The following SCRN1 variants were observed in gnomAD, a reference collection of about 807,000 sequenced individuals.
SCRN1 encodes the protein secernin-1.
In SCRN1, 19 loss-of-function variants were observed where a neutral mutation model predicts 43.3. That is an observed-to-expected ratio of 0.44 (90% CI 0.31 to 0.64). The LOEUF is 0.64. Among genes scored for constraint, SCRN1 ranks in the 30% least tolerant of loss-of-function variants. SCRN1 has a pLI of 0.09. For synonymous variants in SCRN1, 183 were observed against 188.9 expected (o/e 0.97, Z 0.26); for missense variants, 447 against 524.1 (o/e 0.85, Z 1.44).
chr7:29,926,327 G>T, intron 7 of SCRN1, 125 bp downstream of exon 7: 3 of 1,012,498 alleles, frequency 3.0e-6, no homozygotes, highest in Non-Finnish European at 4.2e-6. Context: ...GTCTCTGGGA[G>T]AAGCCCGGTC....
At chr7:29,935,293 C>T (rs1308522472) in intron 6 of SCRN1, among the ~76,000 whole-genome samples, 1 of 152,222 alleles carries the variant, frequency 6.6e-6, no homozygotes, top group Non-Finnish European at 1.5e-5. Flanking sequence ...AGGTGCTTCA[C>T]TTTTCCCCTG....
intron 1 of SCRN1, among the ~76,000 whole-genome samples, chr7:29,978,864 G>A (rs923243169): frequency 8.5e-5 from 13 of 152,152 alleles, no homozygotes; most frequent in Non-Finnish European, 1.8e-4. Context: ...TGAGAAATAT[G>A]AATTAAAGCA....
intron 2 of SCRN1, among the ~76,000 whole-genome samples, chr7:29,958,819 G>A (rs1203312561): frequency 6.6e-6 from 1 of 152,140 alleles, no homozygotes; most frequent in East Asian, 1.9e-4. Context: ...AACAATATAA[G>A]AATGCCCAGA....
chr7:29,938,164 G>C (rs1261519886), intron 5 of SCRN1, among the ~76,000 whole-genome samples: 1 of 152,128 alleles, frequency 6.6e-6, no homozygotes, highest in Non-Finnish European at 1.5e-5. Flanking sequence ...TGGTAGCTGG[G>C]ACTACAGGCA....
intron 2 of SCRN1, among the ~76,000 whole-genome samples, chr7:29,966,137 C>CAG (rs1235393369): frequency 1.3e-4 from 8 of 60,270 alleles, no homozygotes; most frequent in Admixed American, 1.5e-4. Flanking sequence ...GAGAGAGAGA[C>CAG]AGAGAGAGAG....
chr7:29,989,705 G>C lies in SCRN1; in HGVS notation c.-65C>G. On this transcript the variant is annotated 5_prime_UTR_variant, in exon 1 of 8. Coordinates refer to ENST00000242059, the MANE Select transcript of SCRN1 (RefSeq NM_014766.5). The stretch of plus-strand genomic sequence containing the variant: ...GGTGCTGAGGCTGCGGCCGCCGAGG[G>C]TGCGGGTGCTGCCGGGTCCGGATTA... The C allele has an allele frequency of 1.0e-6, 1 of 985,994 alleles. No homozygotes were observed. The highest frequency in any genetic ancestry group is 1.2e-6 in the Non-Finnish European group (1 of 830,442). The allele number at this position is 985,994 out of a possible 1,614,324, so 61.1% of individuals were successfully genotyped here.
At chr7:29,988,684 T>G (rs928034344) in intron 1 of SCRN1, 10 of 152,518 alleles carry the variant, frequency 6.6e-5, no homozygotes, top group Admixed American at 6.5e-4. Flanking sequence ...CCCACCCGGC[T>G]GCCGGACGCA....
rs181637180 is a variant in SCRN1 at position 29,930,619 on chromosome 7, G to A, written c.906-3987C>T. ...TGCATGGGACGCCCCCGAGTGTCCCGTGGATGGCTTGGATGCAGAACACAC... is the reference window on the plus strand; with the variant it reads ...TGCATGGGACGCCCCCGAGTGTCCCATGGATGGCTTGGATGCAGAACACAC... On this transcript the variant is annotated intron_variant, in intron 6 of 7. Transcript: ENST00000242059. 5.8e-4 allele frequency among the ~76,000 whole-genome samples: 89 copies of A among 152,316 alleles called. 3 individuals are homozygous for A. The South Asian group carries it at 0.012, about 20-fold the overall frequency.
chr7:29,935,150 G>T (rs1003219755), intron 6 of SCRN1, among the ~76,000 whole-genome samples: 5 of 152,184 alleles, frequency 3.3e-5, no homozygotes, highest in African/African-American at 9.7e-5. Flanking sequence ...CACAGTAGGT[G>T]CTTAGTGTTT....
In SCRN1 at chr7:29,989,690, C is replaced by T. The variant is rs1214200089; in HGVS notation, c.-50G>A. 5.1e-6 allele frequency: 5 copies of T among 985,634 alleles called. No homozygotes were observed. The highest frequency in any genetic ancestry group is 1.7e-5 in the African/African-American group (1 of 57,258). The allele number at this position is 985,634 out of a possible 1,614,324, so 61.1% of individuals were successfully genotyped here. A position where few individuals can be genotyped will look rare whatever the true frequency, so the allele number is the denominator to read the frequency against. On this transcript the variant is annotated 5_prime_UTR_variant, in exon 1 of 8. Coordinates refer to ENST00000242059, the MANE Select transcript of SCRN1 (RefSeq NM_014766.5). ...CGCTCTCCGCTCTGCGGTGCTGAGG[C>T]TGCGGCCGCCGAGGGTGCGGGTGCT...
At chr7:29,968,419 GA>G (rs897959534) in intron 2 of SCRN1, among the ~76,000 whole-genome samples, 16 of 151,880 alleles carry the variant, frequency 1.1e-4, no homozygotes, top group Admixed American at 3.3e-4. Flanking sequence ...AAATAAAAAT[GA>G]AAAAAAATGC....
intron 3 of SCRN1, among the ~76,000 whole-genome samples, chr7:29,948,289 C>T (rs1446014030): frequency 6.6e-6 from 1 of 152,224 alleles, no homozygotes; most frequent in African/African-American, 2.4e-5. Flanking sequence ...CCCTCCTAAG[C>T]TCCAGTGTCC....
At chr7:29,943,878 G>T in intron 4 of SCRN1, 99 bp downstream of exon 4, 1 of 1,112,952 alleles carries the variant, frequency 9.0e-7, no homozygotes, top group Non-Finnish European at 1.4e-6. Context: ...GACCTGCAAC[G>T]GCACGTCTTT....
intron 2 of SCRN1, among the ~76,000 whole-genome samples, chr7:29,955,770 C>G (rs1263957200): frequency 6.6e-6 from 1 of 152,242 alleles, no homozygotes; most frequent in Non-Finnish European, 1.5e-5. Context: ...AAGGGAAGAT[C>G]TTTGCCTAAA....
Position 29,944,138 on chromosome 7 carries a change from T to G in SCRN1, c.383A>C (p.Asp128Ala). The change falls in exon 4 of 8, where the codon GAT becomes GCT. Residue 128 changes from aspartate to alanine, a missense_variant. Coordinates refer to ENST00000242059, the MANE Select transcript of SCRN1 (RefSeq NM_014766.5). ...ERGETAKEAL[D>A]VIVSLLEEHG... Reference sequence around the variant, plus strand: ...TTCTTCCAACAAGGAGACAATGACATCTAAGGCTTCTTTAGCTGTTTCCCC... The same window carrying G: ...TTCTTCCAACAAGGAGACAATGACAGCTAAGGCTTCTTTAGCTGTTTCCCC... The G allele has an allele frequency of 1.2e-6, 2 of 1,614,230 alleles. No individual in the cohort carries two copies. Among genetic ancestry groups the G allele is most frequent in the Non-Finnish European group, 8.5e-7 (1 of 1,180,036 alleles).
intron 3 of SCRN1, chr7:29,947,196 G>A (rs1342777565): frequency 6.5e-7 from 1 of 1,550,368 alleles, no homozygotes; most frequent in Non-Finnish European, 8.7e-7. Context: ...CTTGCTCTGG[G>A]CCTGGGAATT....
intron 3 of SCRN1, among the ~76,000 whole-genome samples, chr7:29,954,322 T>C (rs1788056357): frequency 6.6e-6 from 1 of 151,896 alleles, no homozygotes; most frequent in South Asian, 2.1e-4. Flanking sequence ...TTTATGATTT[T>C]TCATATTTTT....
chr7:29,976,359 C>T (rs1181973681), intron 1 of SCRN1, among the ~76,000 whole-genome samples: 1 of 152,126 alleles, frequency 6.6e-6, no homozygotes, highest in Non-Finnish European at 1.5e-5. Flanking sequence ...AAAAAACTTA[C>T]ATAAGGCATC....
chr7:29,935,418 A>G (rs1583655393), intron 6 of SCRN1, among the ~76,000 whole-genome samples: 2 of 152,346 alleles, frequency 1.3e-5, no homozygotes, highest in East Asian at 3.9e-4. Flanking sequence ...ATACCAGCAA[A>G]TACCTTGGAA....
Sources: gnomAD v4.1 joint callset for allele counts (sites outside exome capture counted in the v4.1 genomes callset) on GRCh38, gnomAD v4.1.1 for gene constraint, MANE v1.5 for transcripts, NCBI Gene and HGNC (gene_info 2026-07-23, HGNC 2026-07-21) for gene names.